Variants in WIPF3 observed in about 807,000 individuals in gnomAD.
The protein encoded by WIPF3 is WAS/WASL-interacting protein family member 3.
In WIPF3, 33 loss-of-function variants were observed where a neutral mutation model predicts 38.9. That is an observed-to-expected ratio of 0.85 (90% CI 0.64 to 1.14). WIPF3 has a LOEUF of 1.14. Ranked by LOEUF, WIPF3 falls within the 50% of genes most tolerant of loss-of-function variation. WIPF3 has a pLI of 0.00. For missense variants in WIPF3, 711 were observed against 652.5 expected (o/e 1.09, Z -0.98); for synonymous variants, 324 against 269.3 (o/e 1.20, Z -1.99).
intron 1 of WIPF3, among the ~76,000 whole-genome samples, chr7:29,808,956 T>C (rs1432931963): frequency 6.6e-6 from 1 of 152,196 alleles, no homozygotes; most frequent in African/African-American, 2.4e-5. Context: ...GTCAACTTTT[T>C]TACATTCTAG....
At chr7:29,883,773 G>T (rs1785771456) in intron 4 of WIPF3, 77 bp from the exon 5 acceptor site, 4 of 1,491,282 alleles carry the variant, frequency 2.7e-6, no homozygotes, top group Non-Finnish European at 3.6e-6. Context: ...AGGCTTGAGT[G>T]TCCTGAGTGC....
intron 7 of WIPF3, among the ~76,000 whole-genome samples, chr7:29,897,525 T>G (rs1266542761): frequency 3.9e-5 from 6 of 152,220 alleles, no homozygotes; most frequent in Non-Finnish European, 1.5e-5. Context: ...GTGGCCATTC[T>G]GACAGGTGTG....
intron 7 of WIPF3, among the ~76,000 whole-genome samples, chr7:29,894,018 G>A (rs962730258): frequency 9.9e-5 from 15 of 152,190 alleles, no homozygotes; most frequent in Admixed American, 2.0e-4. Flanking sequence ...TAAATGAATC[G>A]GCATGGCTGT....
intron 7 of WIPF3, among the ~76,000 whole-genome samples, chr7:29,896,081 G>A (rs755760270): frequency 6.6e-6 from 1 of 152,144 alleles, no homozygotes; most frequent in Non-Finnish European, 1.5e-5. Flanking sequence ...TGGTGAGTGA[G>A]TACTGATGGA....
chr7:29,829,067 C>G (rs566681877), intron 1 of WIPF3, among the ~76,000 whole-genome samples: 13 of 152,290 alleles, frequency 8.5e-5, no homozygotes, highest in Admixed American at 4.6e-4. Context: ...AGAACAGACT[C>G]CTTTAGTCAC....
At chr7:29,877,749 T>C (rs1179554454) in intron 3 of WIPF3, among the ~76,000 whole-genome samples, 1 of 152,224 alleles carries the variant, frequency 6.6e-6, no homozygotes, top group Non-Finnish European at 1.5e-5. Flanking sequence ...ATGAAATTAA[T>C]ATTTTATTAA....
At chr7:29,904,156 C>G (rs1266058914) in intron 7 of WIPF3, 130 bp from the exon 8 acceptor site, 2 of 761,406 alleles carry the variant, frequency 2.6e-6, no homozygotes. Context: ...GTGGTGGAAA[C>G]AGACAGTCTA....
At chr7:29,816,485 T>G (rs1326805906) in intron 1 of WIPF3, among the ~76,000 whole-genome samples, 1 of 149,872 alleles carries the variant, frequency 6.7e-6, no homozygotes, top group African/African-American at 2.4e-5. Flanking sequence ...ATTTTTATTT[T>G]TATTTTATTT....
chr7:29,840,147 C>T (rs760151175), intron 2 of WIPF3, among the ~76,000 whole-genome samples: 5 of 152,194 alleles, frequency 3.3e-5, no homozygotes, highest in African/African-American at 4.8e-5. Context: ...TACCCACCAC[C>T]CACCCACTGC....
At chr7:29,877,760 C>G (rs142996417) in intron 3 of WIPF3, among the ~76,000 whole-genome samples, 2,052 of 152,276 alleles carry the variant, frequency 0.013, 37 homozygotes, top group African/African-American at 0.038. Flanking sequence ...ATTTTATTAA[C>G]TTCAGGCTGT....
At chr7:29,913,820 CA>C (rs1786551268) in intron 8 of WIPF3, among the ~76,000 whole-genome samples, 7 of 152,252 alleles carry the variant, frequency 4.6e-5, no homozygotes, top group African/African-American at 1.7e-4. Context: ...GAATCCTCCT[CA>C]CTACCAACGT....
chr7:29,862,096 C>G (rs1785293196), intron 2 of WIPF3, among the ~76,000 whole-genome samples: 1 of 152,144 alleles, frequency 6.6e-6, no homozygotes, highest in Non-Finnish European at 1.5e-5. Context: ...GGAGGTCATT[C>G]TGGCACTCCA....
chr7:29,821,178 T>C (rs1196067477), intron 1 of WIPF3, among the ~76,000 whole-genome samples: 1 of 152,230 alleles, frequency 6.6e-6, no homozygotes, highest in Non-Finnish European at 1.5e-5. Context: ...TTTGGCTGGA[T>C]ATAAACTTTT....
chr7:29,885,771 G>T (rs558294930), intron 5 of WIPF3, among the ~76,000 whole-genome samples: 1 of 152,296 alleles, frequency 6.6e-6, no homozygotes, highest in East Asian at 1.9e-4. Context: ...AGCTATGATT[G>T]TGCCATTGTA....
rs1785644200 is a variant in WIPF3 at position 29,878,237 on chromosome 7, A to G, written c.224-772A>G. Among the ~76,000 whole-genome samples, 2 of 152,236 alleles carry G rather than the reference A, an allele frequency of 1.3e-5. No homozygotes were observed. Among genetic ancestry groups the G allele is most frequent in the Admixed American group, 1.3e-4 (2 of 15,290 alleles). On this transcript the variant is annotated intron_variant, in intron 3 of 8. Coordinates refer to ENST00000242140, the MANE Select transcript of WIPF3 (RefSeq NM_001080529.3). This position sits in a 1 kb window ranked among gnomAD's most constrained non-coding sequence, Gnocchi z 4.0. ...TAAGTAATGTACAATATTAATACTC[A>G]GAATAATCTGGCCACTTTCATCCAC...
chr7:29,900,106 T>G (rs1786243661), intron 7 of WIPF3, among the ~76,000 whole-genome samples: 1 of 151,894 alleles, frequency 6.6e-6, no homozygotes, highest in African/African-American at 2.4e-5. Context: ...CCCAGCTAAT[T>G]TTTGTATTTT....
chr7:29,902,950 G>A (rs1786318601), intron 7 of WIPF3, among the ~76,000 whole-genome samples: 1 of 151,986 alleles, frequency 6.6e-6, no homozygotes, highest in Admixed American at 6.6e-5. Context: ...AAATAGTTGA[G>A]ATCATTCTAT....
At position 29,914,505 on chromosome 7, in the gene WIPF3, A is replaced by G. The variant is rs1284936349; in HGVS notation, c.1441A>G (p.Thr481Ala). The part of the protein sequence containing the change: ...KGRNSQLSLK[T>A]LR ...TATGTTTCCACAGTTATCTCTAAAG[A>G]CTCTTCGGTGAGAAGACAGATGAAG... Residue 481 changes from threonine to alanine, a missense_variant, in exon 9 of 9, where the codon ACT (threonine) becomes GCT (alanine). Thr to Ala is a moderately conservative substitution (Grantham distance 58). Coordinates refer to ENST00000242140, the MANE Select transcript of WIPF3 (RefSeq NM_001080529.3). 1 of 1,518,296 alleles carries G rather than the reference A, an allele frequency of 6.6e-7. No homozygotes were observed. The highest frequency in any genetic ancestry group is 8.8e-7 in the Non-Finnish European group (1 of 1,131,058). The allele number at this position is 1,518,296 out of a possible 1,614,324, so 94.1% of individuals were successfully genotyped here.
intron 8 of WIPF3, among the ~76,000 whole-genome samples, chr7:29,908,586 C>T (rs1786444484): frequency 6.6e-6 from 1 of 152,102 alleles, no homozygotes; most frequent in Admixed American, 6.5e-5. Context: ...ATTTGTTAGG[C>T]CACAAATTAA....
Sources: gnomAD v4.1 joint callset for allele counts (sites outside exome capture counted in the v4.1 genomes callset) on GRCh38, gnomAD v4.1.1 for gene constraint, Gnocchi (gnomAD v3.1) non-coding constraint, MANE v1.5 for transcripts, NCBI Gene and HGNC (gene_info 2026-07-23, HGNC 2026-07-21) for gene names.